The following CCDC13 variants were observed in gnomAD, a reference collection of about 807,000 sequenced individuals.
CCDC13 encodes coiled-coil domain containing 13, also known as coiled-coil domain-containing protein 13.
CCDC13 carries 70 observed loss-of-function variants against 87.3 expected under a neutral mutation model. That is an observed-to-expected ratio of 0.80 (90% confidence interval 0.66 to 0.98). The LOEUF (loss-of-function observed/expected upper bound fraction) is 0.98. Ranked by LOEUF, CCDC13 falls within the 50% of genes least tolerant of loss-of-function variation. The probability of loss-of-function intolerance (pLI) is 0.00; values close to 1 mark genes in which losing one functional copy is unlikely to be tolerated. For missense variants in CCDC13, 842 were observed against 892.0 expected (o/e 0.94, Z 0.71); for synonymous variants, 317 against 360.3 (o/e 0.88, Z 1.36).
At position 42,735,817 on chromosome 3, in the gene CCDC13, T is replaced by C. The variant is rs896669774; in HGVS notation, c.1261A>G (p.Ser421Gly). 3 of 1,614,252 alleles carry C rather than the reference T, an allele frequency of 1.9e-6. No homozygotes were observed. Among genetic ancestry groups the C allele is most frequent in the Middle Eastern group, 1.6e-4 (1 of 6,062 alleles). The change falls in exon 10 of 16, where the codon AGC (serine) becomes GGC (glycine). Residue 421 changes from serine to glycine, a missense_variant. Ser to Gly is a moderately conservative substitution (Grantham distance 56, BLOSUM62 0). Transcript: ENST00000310232. ...AGGCTGTTGCTCCGCTGAGCCTCGC[T>C]GTTCAGTTGCTGGTCCAGGTGGTGC... ...SQHHLDQQLN[S>G]EAQRSNSLVA...
In CCDC13 at chr3:42,715,341, C is replaced by T. The variant is rs114579240; in HGVS notation, c.1719-2025G>A. On this transcript the variant is annotated intron_variant, in intron 13 of 15. Coordinates refer to ENST00000310232, the MANE Select transcript of CCDC13 (RefSeq NM_144719.4). ...AAAAAAAAAATTAAATTTCAGGCCA[C>T]GCACGATGGCTCACGCCTGTGCTTT... Among the ~76,000 whole-genome samples the T allele has an allele frequency of 4.9e-3, 735 of 151,264 alleles. 5 individuals are homozygous for T. The highest frequency in any genetic ancestry group is 0.017 in the African/African-American group (680 of 41,164).
In CCDC13 at chr3:42,713,183, C is replaced by T; in HGVS notation, c.1852G>A (p.Ala618Thr). The change falls in exon 14 of 16, where the codon GCA becomes ACA. Residue 618 changes from alanine (A) to threonine (T), a missense_variant. Coordinates refer to ENST00000310232, the MANE Select transcript of CCDC13 (RefSeq NM_144719.4). ...EPGKASASQR[A>T]APRTKTGLPT... ...CTACCTGTTTTGGTCCTGGGAGCTG[C>T]TCTCTGGGAGGCTGATGCCTTCCCT... 1 of 1,614,122 alleles carries T rather than the reference C, an allele frequency of 6.2e-7. No homozygotes were observed. The highest frequency in any genetic ancestry group is 1.3e-5 in the African/African-American group (1 of 75,066).
Position 42,706,031 on chromosome 3 carries a change from A to C in CCDC13, c.*2949T>G, listed in dbSNP as rs1053746019. ...CTGTGGTGCTGCAGCCCGGTCCTGCATCCTTCCCCACCCAGCTCCATCATG... is the reference window on the plus strand; with the variant it reads ...CTGTGGTGCTGCAGCCCGGTCCTGCCTCCTTCCCCACCCAGCTCCATCATG... On this transcript the variant is annotated 3_prime_UTR_variant, in exon 16 of 16. Coordinates refer to ENST00000310232, the MANE Select transcript of CCDC13 (RefSeq NM_144719.4). The C allele has an allele frequency of 2.0e-5, 3 of 152,348 alleles. No homozygotes were observed. The highest frequency in any genetic ancestry group is 7.2e-5 in the African/African-American group (3 of 41,448). The allele number at this position is 152,348 out of a possible 1,614,324, so 9.4% of individuals were successfully genotyped here.
At chr3:42,718,782 G>T (rs1698490631) in intron 13 of CCDC13, among the ~76,000 whole-genome samples, 1 of 151,830 alleles carries the variant, frequency 6.6e-6, no homozygotes. Flanking sequence ...GTGAACCACA[G>T]AAGGGATGAT....
chr3:42,771,940 T>C (rs929759885), intron 1 of CCDC13, among the ~76,000 whole-genome samples: 2 of 152,200 alleles, frequency 1.3e-5, no homozygotes, highest in African/African-American at 4.8e-5. Context: ...TTTTGTTTAA[T>C]GCTTCTAAAA....
chr3:42,750,017 C>T (rs1018742966), intron 5 of CCDC13: 2 of 449,352 alleles, frequency 4.5e-6, no homozygotes, highest in Non-Finnish European at 4.5e-6. Context: ...AGGGAGAACA[C>T]GTGGTGCTGA....
Position 42,740,057 on chromosome 3 carries a change from A to G in CCDC13, c.988-247T>C, listed in dbSNP as rs533353501. 1.4e-4 allele frequency among the ~76,000 whole-genome samples: 22 copies of G among 152,128 alleles called. 1 individual carries two copies. The South Asian group carries it at 3.1e-3, about 22-fold the overall frequency. The stretch of plus-strand genomic sequence containing the variant: ...GCACTAACCCATGACAGCACTCCTA[A>G]CCTCAGCCTGAGACACAGACTTCCT... On this transcript the variant is annotated intron_variant, in intron 8 of 15. Coordinates refer to ENST00000310232, the MANE Select transcript of CCDC13 (RefSeq NM_144719.4).
chr3:42,739,766 C>A lies in CCDC13; in HGVS notation c.1032G>T (p.Glu344Asp). 6.2e-7 allele frequency: 1 copy of A among 1,614,182 alleles called. No individual in the cohort carries two copies. Residue 344 changes from glutamate to aspartate, a missense_variant, in exon 9 of 16, where the codon GAG (glutamate) becomes GAT (aspartate). By Grantham distance (45) the Glu-to-Asp change is conservative. Transcript: ENST00000310232. ...ERDVLQRELE[E>D]LKKKFEGMRS... is the part of the protein sequence containing the mutation. ...TCATGCCCTCGAACTTCTTTTTTAG[C>A]TCTTCAAGCTCTCTCTGGAGGACAT...
intron 13 of CCDC13, among the ~76,000 whole-genome samples, chr3:42,727,963 A>G (rs1488247140): frequency 1.3e-5 from 2 of 152,260 alleles, no homozygotes; most frequent in Non-Finnish European, 2.9e-5. Flanking sequence ...AAAGTGGATT[A>G]AACGATACTG....
At chr3:42,731,206 T>C (rs1698821712) in intron 12 of CCDC13, among the ~76,000 whole-genome samples, 1 of 150,616 alleles carries the variant, frequency 6.6e-6, no homozygotes, top group Non-Finnish European at 1.5e-5. Flanking sequence ...TGCTCTCCGC[T>C]GTGCCCCCAC....
At position 42,706,866 on chromosome 3, in the gene CCDC13, G is replaced by C. The variant is rs530023411; in HGVS notation, c.*2114C>G. On this transcript the variant is annotated 3_prime_UTR_variant, in exon 16 of 16. Coordinates refer to ENST00000310232, the MANE Select transcript of CCDC13 (RefSeq NM_144719.4). Reference sequence around the variant, plus strand: ...ATTATTGTCTGCATTTTATAGATGAGAATGTGGAGGATCAGAGAGGTTAAA... The same window carrying C: ...ATTATTGTCTGCATTTTATAGATGACAATGTGGAGGATCAGAGAGGTTAAA... 1.3e-5 allele frequency: 2 copies of C among 152,374 alleles called. No homozygotes were observed. Among genetic ancestry groups the C allele is most frequent in the East Asian group, 3.9e-4 (2 of 5,188 alleles). The allele number at this position is 152,374 out of a possible 1,614,324, so 9.4% of individuals were successfully genotyped here.
At chr3:42,756,429 C>G (rs985429055) in intron 3 of CCDC13, among the ~76,000 whole-genome samples, 1 of 152,152 alleles carries the variant, frequency 6.6e-6, no homozygotes, top group Non-Finnish European at 1.5e-5. Context: ...AGGTCTCCAC[C>G]AACACAGCCA....
At chr3:42,769,185 C>G (rs1006248365) in intron 1 of CCDC13, among the ~76,000 whole-genome samples, 1 of 152,012 alleles carries the variant, frequency 6.6e-6, no homozygotes, top group Non-Finnish European at 1.5e-5. Context: ...GAACAAACTC[C>G]TCAACAAAAA....
At chr3:42,726,006 C>T (rs1698677525) in intron 13 of CCDC13, among the ~76,000 whole-genome samples, 3 of 152,116 alleles carry the variant, frequency 2.0e-5, no homozygotes, top group Admixed American at 2.0e-4. Flanking sequence ...AATGAAAGAA[C>T]AAATGCTATA....
intron 14 of CCDC13, among the ~76,000 whole-genome samples, chr3:42,711,015 G>A (rs1242632766): frequency 2.6e-5 from 4 of 152,000 alleles, no homozygotes. Context: ...GGAGGTCTAG[G>A]GGGGTGGATA....
chr3:42,769,417 T>C (rs763852314), intron 1 of CCDC13, among the ~76,000 whole-genome samples: 14 of 152,180 alleles, frequency 9.2e-5, no homozygotes, highest in Non-Finnish European at 1.9e-4. Context: ...TGCAAGACAA[T>C]TGGGTAGTCT....
Position 42,731,336 on chromosome 3 carries a change from G to A in CCDC13, c.1596-747C>T, listed in dbSNP as rs894796764. Among the ~76,000 whole-genome samples, 28 of 152,082 alleles carry A rather than the reference G, an allele frequency of 1.8e-4. 1 individual carries two copies. Among genetic ancestry groups the A allele is most frequent in the Non-Finnish European group, 2.5e-4 (17 of 67,972 alleles). On this transcript the variant is annotated intron_variant, in intron 12 of 15. Coordinates refer to ENST00000310232, the MANE Select transcript of CCDC13 (RefSeq NM_144719.4). ...ATGTGATCCTGAGGGCTGACTTCTCGGTGGTCTTGGGCAGGTCTCTTCCTC... is the reference window on the plus strand; with the variant it reads ...ATGTGATCCTGAGGGCTGACTTCTCAGTGGTCTTGGGCAGGTCTCTTCCTC...
intron 2 of CCDC13, 123 bp downstream of exon 2, chr3:42,758,002 C>T (rs973908478): frequency 1.3e-6 from 1 of 756,346 alleles, no homozygotes; most frequent in African/African-American, 1.7e-5. Flanking sequence ...ATAATTAAGG[C>T]TCTAAGCTTC....
intron 13 of CCDC13, among the ~76,000 whole-genome samples, chr3:42,715,023 G>T (rs1698396029): frequency 6.6e-6 from 1 of 152,096 alleles, no homozygotes; most frequent in Non-Finnish European, 1.5e-5. Context: ...TGGGCCCGGG[G>T]TCCCACACCT....
Sources: gnomAD v4.1 joint callset for allele counts (sites outside exome capture counted in the v4.1 genomes callset) on GRCh38, gnomAD v4.1.1 for gene constraint, MANE v1.5 for transcripts, NCBI Gene and HGNC (gene_info 2026-07-23, HGNC 2026-07-21) for gene names.